Variants in PARP14 observed in about 807,000 individuals in gnomAD.
PARP14 encodes protein mono-ADP-ribosyltransferase PARP14.
Under a neutral mutation model 154.2 loss-of-function variants are expected in PARP14, and 59 were observed. That is an observed-to-expected ratio of 0.38 (90% CI 0.31 to 0.48). PARP14 has a LOEUF of 0.48. Among genes scored for constraint, PARP14 ranks in the 20% least tolerant of loss-of-function variants. PARP14 has a pLI of 0.98. For synonymous variants in PARP14, 720 were observed against 780.5 expected (o/e 0.92, Z 1.29); for missense variants, 1,734 against 2,131.6 (o/e 0.81, Z 3.67).
intron 15 of PARP14, among the ~76,000 whole-genome samples, chr3:122,726,301 A>C (rs1401598656): frequency 6.6e-6 from 1 of 152,022 alleles, no homozygotes; most frequent in African/African-American, 2.4e-5. Context: ...CTCAGTTTTT[A>C]TTTATCTGAA....
At position 122,700,843 on chromosome 3, in the gene PARP14, T is replaced by C. The variant is rs1470435041; in HGVS notation, c.2289T>C (p.Ser763=). The C allele has an allele frequency of 1.2e-6, 2 of 1,613,808 alleles. No individual in the cohort carries two copies. Among genetic ancestry groups the C allele is most frequent in the African/African-American group, 2.7e-5 (2 of 74,904 alleles). Residue 763 remains serine, a synonymous_variant, in exon 6 of 17, where the codon AGT becomes AGC. Coordinates refer to ENST00000474629, the MANE Select transcript of PARP14 (RefSeq NM_017554.3). ...FFQDKARFYQ[S]EIKRLFGCYI... is the part of the protein sequence containing the mutation. ...AGGATAAAGCACGGTTTTATCAAAGTGAGATCAAACGGTTGTTTGGTTGTT... is the reference window on the plus strand; with the variant it reads ...AGGATAAAGCACGGTTTTATCAAAGCGAGATCAAACGGTTGTTTGGTTGTT...
chr3:122,724,882 T>C (rs1011405434), intron 15 of PARP14, among the ~76,000 whole-genome samples: 1 of 152,084 alleles, frequency 6.6e-6, no homozygotes, highest in Non-Finnish European at 1.5e-5. Context: ...CAAGCATCTG[T>C]TTAACAAAGC....
intron 15 of PARP14, among the ~76,000 whole-genome samples, chr3:122,727,085 A>G (rs1027311408): frequency 4.6e-5 from 7 of 151,506 alleles, no homozygotes; most frequent in Admixed American, 4.0e-4. Context: ...GACAACATGG[A>G]CAACAGGGAA....
rs748124829 is a variant in PARP14, at chr3:122,700,964, C to T, written c.2410C>T (p.Leu804=). The change falls in exon 6 of 17, where the codon CTG becomes TTG. Residue 804 remains leucine, a synonymous_variant. Coordinates refer to ENST00000474629, the MANE Select transcript of PARP14 (RefSeq NM_017554.3). ...SRTVLAPGVV[L]IVQQGDLARL... is the part of the protein sequence containing the mutation. Reference sequence around the variant, plus strand: ...GACAGTCTTGGCCCCTGGCGTTGTGCTGATTGTGCAGCAGGGTGACTTGGC... The same window carrying T: ...GACAGTCTTGGCCCCTGGCGTTGTGTTGATTGTGCAGCAGGGTGACTTGGC... 6.2e-7 allele frequency: 1 copy of T among 1,613,986 alleles called. No homozygotes were observed. The highest frequency in any genetic ancestry group is 1.1e-5 in the South Asian group (1 of 91,080).
In PARP14 at chr3:122,692,333, C is replaced by A; in HGVS notation, c.388C>A (p.Leu130Ile). The A allele has an allele frequency of 6.2e-7, 1 of 1,612,708 alleles. No homozygotes were observed. The highest frequency in any genetic ancestry group is 8.5e-7 in the Non-Finnish European group (1 of 1,178,852). ...AGAAGAATTGGATACAAAACTCCCT[C>A]TTGATGGTGGATTAGACAAAATGGA... Reference protein sequence around the residue: ...VSEELDTKLPLDGGLDKMEDI... With the variant: ...VSEELDTKLPIDGGLDKMEDI... Residue 130 changes from leucine to isoleucine, a missense_variant, in exon 4 of 17, where the codon CTT (leucine) becomes ATT (isoleucine). Physicochemically the swap from Leu to Ile is conservative, Grantham distance 5. Transcript: ENST00000474629.
chr3:122,713,689 T>C (rs1939393493), intron 10 of PARP14, 116 bp downstream of exon 10: 3 of 1,010,814 alleles, frequency 3.0e-6, no homozygotes, highest in South Asian at 1.6e-5. Flanking sequence ...TTTTAAATTA[T>C]GCTGACAGGG....
intron 2 of PARP14, among the ~76,000 whole-genome samples, chr3:122,686,067 G>T (rs1938364460): frequency 6.6e-6 from 1 of 152,196 alleles, no homozygotes; most frequent in African/African-American, 2.4e-5. Context: ...TATTGTGAGG[G>T]TTGAACAAGA....
rs1293972006 is a variant in PARP14, at chr3:122,681,303, T to C, written c.187+233T>C. ...GGCGCTTAATGGCGCGGCCCGGAGG[T>C]GGCGGCGGAACCGCGCAAGTAACTC... On this transcript the variant is annotated intron_variant, in intron 1 of 16. Transcript: ENST00000474629. This position sits in a 1 kb window ranked among gnomAD's most constrained non-coding sequence, Gnocchi z 5.5. Among the ~76,000 whole-genome samples the C allele has an allele frequency of 1.3e-5, 2 of 152,178 alleles. No individual in the cohort carries two copies. Among genetic ancestry groups the C allele is most frequent in the African/African-American group, 4.8e-5 (2 of 41,426 alleles).
At position 122,692,523 on chromosome 3, in the gene PARP14, T is replaced by C. The variant is rs780198366; in HGVS notation, c.578T>C (p.Val193Ala). The change falls in exon 4 of 17, where the codon GTT (valine) becomes GCT (alanine). Residue 193 changes from valine (V) to alanine (A), a missense_variant. Physicochemically the swap from Val to Ala is moderately conservative, Grantham distance 64. This residue lies in a region of PARP14 where 1,646 missense variants were observed against 1,976.0 expected (regional missense o/e 0.83). Transcript: ENST00000474629. ...EIIRDFDVAV[V>A]TFQKHIDTIR... The stretch of plus-strand genomic sequence containing the variant: ...ATAAGAGATTTTGATGTTGCTGTTG[T>C]TACCTTTCAAAAGCACATAGGTAAG... 6.2e-7 allele frequency: 1 copy of C among 1,611,016 alleles called. No individual in the cohort carries two copies. The highest frequency in any genetic ancestry group is 8.5e-7 in the Non-Finnish European group (1 of 1,177,696).
intron 8 of PARP14, among the ~76,000 whole-genome samples, chr3:122,706,601 A>G (rs1446327159): frequency 1.3e-5 from 2 of 152,120 alleles, no homozygotes; most frequent in Non-Finnish European, 2.9e-5. Context: ...CTAGTTCTCC[A>G]TAGTCAAATC....
chr3:122,701,679 T>C lies in PARP14; in HGVS notation c.3081+44T>C. On this transcript the variant is annotated intron_variant, in intron 6 of 16. Transcript: ENST00000474629. This position sits in a 1 kb window ranked among gnomAD's most constrained non-coding sequence, Gnocchi z 4.0. Reference sequence around the variant, plus strand: ...GAACACCACCAGGGCACTGTGACTTTACTTAGTCAGTGGCTCTCTCATGGA... The same window carrying C: ...GAACACCACCAGGGCACTGTGACTTCACTTAGTCAGTGGCTCTCTCATGGA... The C allele has an allele frequency of 7.3e-7, 1 of 1,371,172 alleles. No homozygotes were observed. Among genetic ancestry groups the C allele is most frequent in the Non-Finnish European group, 9.9e-7 (1 of 1,010,712 alleles). 84.9% of individuals were successfully genotyped at this position (1,371,172 alleles called of 1,614,324 possible). A position where few individuals can be genotyped will look rare whatever the true frequency, so the allele number is the denominator to read the frequency against.
chr3:122,729,847 A>C lies in PARP14; in HGVS notation c.*1250A>C, dbSNP rs1298050042. The C allele has an allele frequency of 1.3e-5, 2 of 152,228 alleles. No homozygotes were observed. Among genetic ancestry groups the C allele is most frequent in the Non-Finnish European group, 2.9e-5 (2 of 68,042 alleles). The allele number at this position is 152,228 out of a possible 1,614,324, so 9.4% of individuals were successfully genotyped here. On this transcript the variant is annotated 3_prime_UTR_variant, in exon 17 of 17. Coordinates refer to ENST00000474629, the MANE Select transcript of PARP14 (RefSeq NM_017554.3). ...AGATTAAATGAACTCTAAGATTATT[A>C]AATAGTATATTTTCCTTGACAGCCT...
rs75466530 is a variant in PARP14, at chr3:122,698,691, G to A, written c.836-699G>A. 3.5e-3 allele frequency among the ~76,000 whole-genome samples: 537 copies of A among 152,288 alleles called. 12 individuals carry two copies. In the East Asian group the frequency reaches 0.078, roughly 22 times the overall value. On this transcript the variant is annotated intron_variant, in intron 5 of 16. Transcript: ENST00000474629. Reference sequence around the variant, plus strand: ...TGTCTCTACCTCAAATGGTTGTTGTGAGGATGAAATGAATTAAATATATGT... The same window carrying A: ...TGTCTCTACCTCAAATGGTTGTTGTAAGGATGAAATGAATTAAATATATGT...
chr3:122,702,539 C>G (rs934186309), intron 6 of PARP14, among the ~76,000 whole-genome samples: 3 of 152,140 alleles, frequency 2.0e-5, no homozygotes, highest in African/African-American at 7.2e-5. Flanking sequence ...CTGTTTTTGA[C>G]ATGCATGTTC....
chr3:122,685,399 A>G, intron 2 of PARP14, 81 bp downstream of exon 2: 2 of 1,330,864 alleles, frequency 1.5e-6, no homozygotes, highest in Non-Finnish European at 2.1e-6. Context: ...AAGAAAATAT[A>G]GTGGAAAGAA....
At position 122,729,906 on chromosome 3, in the gene PARP14, TA is replaced by T. The variant is rs1933384520; in HGVS notation, c.*1312del. ...ATGATTTTAAAGCCTTATGTATAAA[TA>T]AACCAAAGGAAGTAAGCAGTCATAT... On this transcript the variant is annotated 3_prime_UTR_variant, in exon 17 of 17. Coordinates refer to ENST00000474629, the MANE Select transcript of PARP14 (RefSeq NM_017554.3). The T allele has an allele frequency of 6.6e-6, 1 of 152,222 alleles. No homozygotes were observed. The highest frequency in any genetic ancestry group is 6.5e-5 in the Admixed American group (1 of 15,282). The allele number at this position is 152,222 out of a possible 1,614,324, so 9.4% of individuals were successfully genotyped here. A position where few individuals can be genotyped will look rare whatever the true frequency, so the allele number is the denominator to read the frequency against.
At chr3:122,726,161 T>C (rs1262774413) in intron 15 of PARP14, among the ~76,000 whole-genome samples, 4 of 152,258 alleles carry the variant, frequency 2.6e-5, no homozygotes, top group Non-Finnish European at 5.9e-5. Flanking sequence ...TTTATTTATA[T>C]GTACCAACAT....
At chr3:122,714,772 A>C (rs1932941094) in intron 12 of PARP14, among the ~76,000 whole-genome samples, 1 of 152,204 alleles carries the variant, frequency 6.6e-6, no homozygotes, top group Admixed American at 6.5e-5. Flanking sequence ...TCCATTCCCT[A>C]CATATTCTCC....
chr3:122,719,404 G>A (rs937103117), intron 14 of PARP14, among the ~76,000 whole-genome samples: 16 of 152,172 alleles, frequency 1.1e-4, no homozygotes, highest in African/African-American at 3.9e-4. Context: ...ATAATCCAGG[G>A]AGGATCGGGA....
Sources: gnomAD v4.1 joint callset for allele counts (sites outside exome capture counted in the v4.1 genomes callset) on GRCh38, gnomAD v4.1.1 for gene constraint, gnomAD v4.1.1 regional missense constraint, Gnocchi (gnomAD v3.1) non-coding constraint, MANE v1.5 for transcripts, NCBI Gene and HGNC (gene_info 2026-07-23, HGNC 2026-07-21) for gene names.